VSIR: variants seen among roughly 807,000 people sequenced by gnomAD.
The protein encoded by VSIR is V-set immunoregulatory receptor.
VSIR carries 10 observed loss-of-function variants against 31.0 expected under a neutral mutation model. The observed-to-expected ratio is 0.32, with a 90% CI of 0.20 to 0.55. VSIR has a LOEUF of 0.55. Ranked by LOEUF, VSIR falls within the 20% of genes least tolerant of loss-of-function variation. VSIR has a pLI of 0.93. For synonymous variants in VSIR, 179 were observed against 180.1 expected (o/e 0.99, Z 0.05); for missense variants, 356 against 416.2 (o/e 0.86, Z 1.26).
intron 1 of VSIR, among the ~76,000 whole-genome samples, chr10:71,771,716 G>A (rs1057389193): frequency 6.6e-6 from 1 of 152,202 alleles, no homozygotes; most frequent in African/African-American, 2.4e-5. Flanking sequence ...ATACCATGTT[G>A]TTTGAGTAGC....
intron 1 of VSIR, among the ~76,000 whole-genome samples, chr10:71,766,459 G>A (rs528755997): frequency 2.0e-5 from 3 of 152,288 alleles, no homozygotes; most frequent in East Asian, 1.9e-4. Context: ...TAAAACTCTC[G>A]CTTGGATTGC....
chr10:71,773,284 C>CA, intron 1 of VSIR, 74 bp downstream of exon 1: 1 of 1,498,788 alleles, frequency 6.7e-7, no homozygotes, highest in Non-Finnish European at 9.1e-7. Flanking sequence ...AGGACGCCCC[C>CA]ATCCCACAGT....
At position 71,750,980 on chromosome 10, in the gene VSIR, G is replaced by A; in HGVS notation, c.*273C>T. On this transcript the variant is annotated 3_prime_UTR_variant, in exon 7 of 7. Coordinates refer to ENST00000394957, the MANE Select transcript of VSIR (RefSeq NM_022153.2). ...CGTTCTGAGACTTCTTAAGATGTAA[G>A]TCATTTGGCATCTGTAGCTGGTGAA... is the stretch of plus-strand genomic sequence containing the variant. 2.3e-6 allele frequency: 1 copy of A among 440,422 alleles called. No homozygotes were observed. 27.3% of individuals were successfully genotyped at this position (440,422 alleles called of 1,614,324 possible). A position where few individuals can be genotyped will look rare whatever the true frequency, so the allele number is the denominator to read the frequency against.
At chr10:71,763,585 GC>G (rs1471469939) in intron 1 of VSIR, among the ~76,000 whole-genome samples, 1 of 152,202 alleles carries the variant, frequency 6.6e-6, no homozygotes, top group Non-Finnish European at 1.5e-5. Context: ...TCTGGAGCTG[GC>G]CAGCCTGTAC....
chr10:71,755,176 T>C, intron 4 of VSIR, 183 bp downstream of exon 4: 1 of 696,552 alleles, frequency 1.4e-6, no homozygotes, highest in Non-Finnish European at 2.6e-6. Flanking sequence ...CCCCCGGAAA[T>C]GGCATGCCTC....
chr10:71,750,933 C>A lies in VSIR; in HGVS notation c.*320G>T. ...ACATCCCAAGGCTCATGTCTCAGAA[C>A]GAGAGCTGCTGAAGGGCTGGACGTT... On this transcript the variant is annotated 3_prime_UTR_variant, in exon 7 of 7. Transcript: ENST00000394957. The A allele has an allele frequency of 3.4e-6, 1 of 293,836 alleles. No homozygotes were observed. Among genetic ancestry groups the A allele is most frequent in the Non-Finnish European group, 6.3e-6 (1 of 157,740 alleles). 18.2% of individuals were successfully genotyped at this position (293,836 alleles called of 1,614,324 possible). A position where few individuals can be genotyped will look rare whatever the true frequency, so the allele number is the denominator to read the frequency against.
chr10:71,759,898 CAT>C lies in VSIR; in HGVS notation c.568+968_568+969del, dbSNP rs1365274288. Among the ~76,000 whole-genome samples the C allele has an allele frequency of 1.4e-4, 7 of 50,722 alleles. 1 individual carries two copies. Among genetic ancestry groups the C allele is most frequent in the East Asian group, 1.3e-3 (2 of 1,490 alleles). The allele number at this position is 50,722 out of a possible 152,430, so 33.3% of individuals were successfully genotyped here. A position where few individuals can be genotyped will look rare whatever the true frequency, so the allele number is the denominator to read the frequency against. On this transcript the variant is annotated intron_variant, in intron 3 of 6. Transcript: ENST00000394957. ...ACACACACACACATATACACACACA[CAT>C]ATATACACACACACATATATACACA...
chr10:71,756,834 C>T (rs550305669), intron 3 of VSIR, among the ~76,000 whole-genome samples: 1 of 152,314 alleles, frequency 6.6e-6, no homozygotes, highest in Non-Finnish European at 1.5e-5. Context: ...TGCCTTTCCG[C>T]TATTTGTTTG....
chr10:71,758,355 C>T (rs1840204235), intron 3 of VSIR, among the ~76,000 whole-genome samples: 1 of 152,170 alleles, frequency 6.6e-6, no homozygotes, highest in Non-Finnish European at 1.5e-5. Flanking sequence ...GGGCTGGTCC[C>T]CACTGGATGT....
chr10:71,756,587 T>C (rs1840154212), intron 3 of VSIR, among the ~76,000 whole-genome samples: 1 of 152,168 alleles, frequency 6.6e-6, no homozygotes, highest in South Asian at 2.1e-4. Flanking sequence ...TCCAAAAAGG[T>C]GTACACGAAG....
chr10:71,757,917 G>T (rs1378728345), intron 3 of VSIR, among the ~76,000 whole-genome samples: 1 of 152,200 alleles, frequency 6.6e-6, no homozygotes, highest in Non-Finnish European at 1.5e-5. Flanking sequence ...CAGCCCCTCA[G>T]CAATGCAGGA....
Position 71,755,439 on chromosome 10 carries a change from CCCGTAGCCAGGGCTGCAG to C in VSIR, c.578_595del (p.Ala193_Thr198del). 1.2e-6 allele frequency: 2 copies of C among 1,613,018 alleles called. No homozygotes were observed. The highest frequency in any genetic ancestry group is 1.7e-6 in the Non-Finnish European group (2 of 1,179,736). ...GCAGAGGATTCCTACGATGCAGGCA[CCCGTAGCCAGGGCTGCAG>C]CCGTGATGTCTGAAAGGGCAGAGAG... is the stretch of plus-strand genomic sequence containing the variant. On this transcript the variant is annotated inframe_deletion, in exon 4 of 7. Coordinates refer to ENST00000394957, the MANE Select transcript of VSIR (RefSeq NM_022153.2).
chr10:71,759,884 C>CACACACACATAT lies in VSIR; in HGVS notation c.568+983_568+984insATATGTGTGTGT, dbSNP rs1554868497. On this transcript the variant is annotated intron_variant, in intron 3 of 6. Transcript: ENST00000394957. ...ACACACATATATATACACACACACA[C>CACACACACATAT]ATATACACACACACATATATACACA... Among the ~76,000 whole-genome samples the CACACACACATAT allele has an allele frequency of 4.1e-4, 20 of 49,186 alleles. 4 individuals carry two copies. The East Asian group carries it at 8.9e-3, about 22-fold the overall frequency. The allele number at this position is 49,186 out of a possible 152,430, so 32.3% of individuals were successfully genotyped here.
Position 71,751,905 on chromosome 10 carries a change from C to T in VSIR, c.705-44G>A, listed in dbSNP as rs374701065. On this transcript the variant is annotated intron_variant, in intron 5 of 6. Transcript: ENST00000394957. This position sits in a 1 kb window ranked among gnomAD's most constrained non-coding sequence, Gnocchi z 4.9. ...GGAAGGTCATCTGTGCTGTCCGGAG[C>T]GTGAACTCTGCCCTCCCTGCCCCCA... The T allele has an allele frequency of 1.5e-5, 23 of 1,531,348 alleles. No homozygotes were observed. In the African/African-American group the frequency reaches 1.7e-4, roughly 11 times the overall value. 94.9% of individuals were successfully genotyped at this position (1,531,348 alleles called of 1,614,324 possible).
intron 1 of VSIR, among the ~76,000 whole-genome samples, chr10:71,773,091 G>C (rs1197478104): frequency 6.6e-6 from 1 of 152,228 alleles, no homozygotes; most frequent in African/African-American, 2.4e-5. Flanking sequence ...GGAAGGGCTG[G>C]ACAGGCAGCC....
chr10:71,773,200 T>C (rs1840727001), intron 1 of VSIR, among the ~76,000 whole-genome samples, 158 bp downstream of exon 1: 1 of 152,192 alleles, frequency 6.6e-6, no homozygotes, highest in Admixed American at 6.5e-5. Context: ...CACTGCACCC[T>C]GCCTAGGGGT....
In VSIR at chr10:71,751,619, G is replaced by C; in HGVS notation, c.898+49C>G. Reference sequence around the variant, plus strand: ...GAGGCCGATGCCCTGCAGGCCATGAGGTCATGACCTTACAGGTCATCGTGC... The same window carrying C: ...GAGGCCGATGCCCTGCAGGCCATGACGTCATGACCTTACAGGTCATCGTGC... On this transcript the variant is annotated intron_variant, in intron 6 of 6. Transcript: ENST00000394957. This position sits in a 1 kb window ranked among gnomAD's most constrained non-coding sequence, Gnocchi z 4.9. The C allele has an allele frequency of 6.7e-7, 1 of 1,490,826 alleles. No individual in the cohort carries two copies. Among genetic ancestry groups the C allele is most frequent in the Non-Finnish European group, 9.0e-7 (1 of 1,113,608 alleles). 92.3% of individuals were successfully genotyped at this position (1,490,826 alleles called of 1,614,324 possible).
chr10:71,764,620 G>C (rs1840483587), intron 1 of VSIR, among the ~76,000 whole-genome samples: 1 of 152,180 alleles, frequency 6.6e-6, no homozygotes, highest in Non-Finnish European at 1.5e-5. Context: ...GGGCTCAGTA[G>C]CAGCTTTTGG....
At chr10:71,753,793 C>A in intron 4 of VSIR, 1 of 456,470 alleles carries the variant, frequency 2.2e-6, no homozygotes, top group South Asian at 1.5e-5. Flanking sequence ...AGGGGCACAA[C>A]AACAGAACAA....
Sources: gnomAD v4.1 joint callset for allele counts (sites outside exome capture counted in the v4.1 genomes callset) on GRCh38, gnomAD v4.1.1 for gene constraint, Gnocchi (gnomAD v3.1) non-coding constraint, MANE v1.5 for transcripts, NCBI Gene and HGNC (gene_info 2026-07-23, HGNC 2026-07-21) for gene names.